The following HP1BP3 variants were observed in gnomAD, a reference collection of about 807,000 sequenced individuals.
HP1BP3 encodes the protein heterochromatin protein 1 binding protein 3.
In HP1BP3, 12 loss-of-function variants were observed where a neutral mutation model predicts 62.5. The observed-to-expected ratio is 0.19, with a 90% CI of 0.12 to 0.31. The LOEUF is 0.31. Ranked by LOEUF, HP1BP3 falls within the 10% of genes least tolerant of loss-of-function variation. The probability of loss-of-function intolerance (pLI) is 1.00; values close to 1 mark genes in which losing one functional copy is unlikely to be tolerated. For synonymous variants in HP1BP3, 260 were observed against 237.8 expected, an observed-to-expected ratio of 1.09 and a Z score of -0.86; for missense variants, 502 against 651.8, an observed-to-expected ratio of 0.77 and a Z score of 2.50.
chr1:20,780,326 A>C lies in HP1BP3; in HGVS notation c.96+19T>G, dbSNP rs752939281. 1 of 1,574,148 alleles carries C rather than the reference A, an allele frequency of 6.4e-7. No homozygotes were observed. The highest frequency in any genetic ancestry group is 2.2e-5 in the East Asian group (1 of 44,718). On this transcript the variant is annotated intron_variant, in intron 2 of 12. Transcript: ENST00000438032. ...GGGATTGATCCAAGAGTGAGCTTCA[A>C]GAATGTGTCAGCCCCTACCTCACCT...
rs774847751 is a variant in HP1BP3 at position 20,747,669 on chromosome 1, T to C, written c.1142-14A>G. The C allele has an allele frequency of 2.0e-6, 3 of 1,525,458 alleles. No homozygotes were observed. The highest frequency in any genetic ancestry group is 2.7e-6 in the Non-Finnish European group (3 of 1,104,510). 94.5% of individuals were successfully genotyped at this position (1,525,458 alleles called of 1,614,324 possible). A position where few individuals can be genotyped will look rare whatever the true frequency, so the allele number is the denominator to read the frequency against. ...TCAGCAAATGCACTGAAAAAAAAAA[T>C]TCAGAAATGAAAGTTATCTAGTTAT... On this transcript the variant is annotated splice_polypyrimidine_tract_variant and intron_variant, in intron 10 of 12. Coordinates refer to ENST00000438032, the MANE Select transcript of HP1BP3 (RefSeq NM_001372052.1).
intron 6 of HP1BP3, among the ~76,000 whole-genome samples, chr1:20,770,035 G>T (rs149901287): frequency 6.6e-6 from 1 of 152,308 alleles, no homozygotes; most frequent in East Asian, 1.9e-4. Context: ...CTGGACCTCT[G>T]AAGAGGGTAA....
chr1:20,746,186 ATGTGTGTGTGTGTGTGTGTGTG>A (rs35710978), intron 11 of HP1BP3, among the ~76,000 whole-genome samples: 1 of 143,148 alleles, frequency 7.0e-6, no homozygotes, highest in Admixed American at 7.0e-5. Context: ...ACATACATAT[ATGTGTGTGTGTGTGTGTGTGTG>A]TGTGTGTGTG....
At chr1:20,748,088 C>T (rs1483863944) in intron 10 of HP1BP3, among the ~76,000 whole-genome samples, 1 of 151,644 alleles carries the variant, frequency 6.6e-6, no homozygotes, top group Admixed American at 6.6e-5. Context: ...AAAAAAAAAG[C>T]CCAGAGTGGT....
rs35433329 is a variant in HP1BP3 at position 20,743,122 on chromosome 1, CTTTT to C, written c.*1671_*1674del. On this transcript the variant is annotated 3_prime_UTR_variant, in exon 13 of 13. Transcript: ENST00000438032. Reference sequence around the variant, plus strand: ...GGGCTTCATTTACTTTTTTCCTTTTCTTTTTTTTTTTAATATCTCAAAAAGGAAG... The same window carrying C: ...GGGCTTCATTTACTTTTTTCCTTTTCTTTTTTTAATATCTCAAAAAGGAAG... The C allele has an allele frequency of 1.4e-5, 2 of 142,906 alleles. No homozygotes were observed. Among genetic ancestry groups the C allele is most frequent in the African/African-American group, 5.2e-5 (2 of 38,466 alleles). The allele number at this position is 142,906 out of a possible 1,614,324, so 8.9% of individuals were successfully genotyped here.
At chr1:20,773,709 T>A in intron 4 of HP1BP3, 99 bp from the exon 5 acceptor site, 1 of 763,768 alleles carries the variant, frequency 1.3e-6, no homozygotes, top group Non-Finnish European at 1.9e-6. Flanking sequence ...AAATTAATGC[T>A]TTAATTTATT....
At chr1:20,765,889 C>T (rs968636381) in intron 7 of HP1BP3, among the ~76,000 whole-genome samples, 5 of 149,452 alleles carry the variant, frequency 3.3e-5, no homozygotes, top group Non-Finnish European at 7.4e-5. Context: ...TGCTTGAACC[C>T]GGGAGGTGGA....
chr1:20,762,409 A>T (rs1052971614), intron 8 of HP1BP3, among the ~76,000 whole-genome samples: 2 of 151,426 alleles, frequency 1.3e-5, no homozygotes, highest in African/African-American at 2.4e-5. Flanking sequence ...GAACTACAAG[A>T]AAAAAAAATG....
At chr1:20,771,511 AAAG>A (rs1370796064) in intron 5 of HP1BP3, among the ~76,000 whole-genome samples, 2 of 152,340 alleles carry the variant, frequency 1.3e-5, no homozygotes, top group African/African-American at 4.8e-5. Context: ...ATGTCAGCAG[AAAG>A]AAGAATCAAA....
chr1:20,759,881 T>A (rs1354827152), intron 8 of HP1BP3, among the ~76,000 whole-genome samples: 1 of 12,074 alleles, frequency 8.3e-5, no homozygotes, highest in Non-Finnish European at 4.3e-4. Context: ...TAAAGACCGA[T>A]TTTTTTTTTT....
chr1:20,757,663 G>T (rs866367601), intron 8 of HP1BP3, among the ~76,000 whole-genome samples: 3 of 151,968 alleles, frequency 2.0e-5, no homozygotes, highest in Admixed American at 6.6e-5. Context: ...GAGGCACCAC[G>T]CCTGGCTGAA....
chr1:20,760,319 C>T (rs765695942), intron 8 of HP1BP3, among the ~76,000 whole-genome samples: 2 of 151,980 alleles, frequency 1.3e-5, no homozygotes, highest in Non-Finnish European at 2.9e-5. Context: ...AGGAGGATCA[C>T]TTGAGGCCAG....
chr1:20,778,186 T>C (rs533552194), intron 3 of HP1BP3, among the ~76,000 whole-genome samples: 2 of 152,212 alleles, frequency 1.3e-5, no homozygotes, highest in African/African-American at 4.8e-5. Context: ...TTCTCAAGAA[T>C]AACTGCTCAA....
Position 20,749,834 on chromosome 1 carries a change from A to G in HP1BP3, c.1030T>C (p.Tyr344His). The change falls in exon 10 of 13, where the codon TAT becomes CAT. Residue 344 changes from tyrosine to histidine, a missense_variant. This residue lies in a region of HP1BP3 where 111 missense variants were observed against 242.0 expected (regional missense o/e 0.46). Transcript: ENST00000438032. ...GCAGCAATGGCAGACAAGATTGCAT[A>G]TTCCATCAGGCTTCCACCAAGCAGG... ...KPLLGGSLME[Y>H]AILSAIAAMN... 6.2e-7 allele frequency: 1 copy of G among 1,614,122 alleles called. No individual in the cohort carries two copies. The highest frequency in any genetic ancestry group is 1.3e-5 in the African/African-American group (1 of 75,020).
At position 20,749,830 on chromosome 1, in the gene HP1BP3, G is replaced by C. The variant is rs766008943; in HGVS notation, c.1034C>G (p.Ala345Gly). The C allele has an allele frequency of 5.0e-6, 8 of 1,613,992 alleles. No individual in the cohort carries two copies. The highest frequency in any genetic ancestry group is 6.8e-6 in the Non-Finnish European group (8 of 1,180,002). Residue 345 changes from alanine to glycine, a missense_variant, in exon 10 of 13, where the codon GCA becomes GGA. By Grantham distance (60) the Ala-to-Gly change is moderately conservative. Around this residue, in one of 5 missense-constraint regions of HP1BP3, gnomAD observed 111 missense variants for 242.0 expected, o/e 0.46. Coordinates refer to ENST00000438032, the MANE Select transcript of HP1BP3 (RefSeq NM_001372052.1). ...PLLGGSLMEY[A>G]ILSAIAAMNE... ...CATGGCAGCAATGGCAGACAAGATT[G>C]CATATTCCATCAGGCTTCCACCAAG...
intron 8 of HP1BP3, among the ~76,000 whole-genome samples, chr1:20,761,691 G>A (rs537214896): frequency 6.6e-6 from 1 of 152,190 alleles, no homozygotes; most frequent in Non-Finnish European, 1.5e-5. Context: ...AGTTTTGCAA[G>A]TGAAAGGAAT....
intron 4 of HP1BP3, chr1:20,775,929 G>A: frequency 6.7e-7 from 1 of 1,495,218 alleles, no homozygotes; most frequent in Non-Finnish European, 8.9e-7. Flanking sequence ...GTTAAGCAAT[G>A]CATGACTATA....
rs1325562877 is a variant in HP1BP3 at position 20,741,526 on chromosome 1, G to C, written c.*3271C>G. Among the ~76,000 whole-genome samples, 1 of 152,208 alleles carries C rather than the reference G, an allele frequency of 6.6e-6. No individual in the cohort carries two copies. Among genetic ancestry groups the C allele is most frequent in the Non-Finnish European group, 1.5e-5 (1 of 68,032 alleles). On this transcript the variant is annotated 3_prime_UTR_variant, in exon 13 of 13. Coordinates refer to ENST00000438032, the MANE Select transcript of HP1BP3 (RefSeq NM_001372052.1). ...ATTAAAACATACACCTGTTTCCTAA[G>C]ATTTATACAGGACCAGGTTTCCTTT...
chr1:20,750,702 CA>C (rs1345521576), intron 9 of HP1BP3, among the ~76,000 whole-genome samples: 2 of 151,962 alleles, frequency 1.3e-5, no homozygotes, highest in Non-Finnish European at 2.9e-5. Flanking sequence ...CACCCCAAGA[CA>C]GCAAGACCAA....
Sources: allele counts gnomAD v4.1 joint callset (sites outside exome capture counted in the v4.1 genomes callset), GRCh38; gene constraint gnomAD v4.1.1; regional missense constraint gnomAD v4.1.1; transcripts MANE v1.5; gene names NCBI Gene and HGNC (gene_info 2026-07-23, HGNC 2026-07-21).